RORA: variants seen among roughly 807,000 people sequenced by gnomAD.
RORA encodes RAR related orphan receptor A, also known as nuclear receptor ROR-alpha.
In RORA, 7 loss-of-function variants were observed where a neutral mutation model predicts 69.5. The observed-to-expected ratio is 0.10, with a 90% CI of 0.06 to 0.19. RORA has a LOEUF of 0.19. Ranked by LOEUF, RORA falls within the 10% of genes least tolerant of loss-of-function variation. RORA has a pLI of 1.00. For missense variants in RORA, 457 were observed against 663.0 expected, an observed-to-expected ratio of 0.69 and a Z score of 3.41; for synonymous variants, 261 against 240.8, an observed-to-expected ratio of 1.08 and a Z score of -0.78.
At position 61,213,997 on chromosome 15, in the gene RORA, G is replaced by C. The variant is rs1320452214; in HGVS notation, c.166+15056C>G. 1 of 152,130 alleles carries C rather than the reference G, an allele frequency of 6.6e-6. No individual in the cohort carries two copies. The highest frequency in any genetic ancestry group is 1.9e-4 in the East Asian group (1 of 5,190). The allele number at this position is 152,130 out of a possible 1,614,324, so 9.4% of individuals were successfully genotyped here. ...AAACTGCACGTCACTAGCATCCTGA[G>C]GGCATTCACCGAATGCTCATGTAAA... On this transcript the variant is annotated intron_variant, in intron 1 of 10. Coordinates refer to ENST00000335670, the MANE Select transcript of RORA (RefSeq NM_134261.3). The surrounding 1 kb of genome is among the most constrained non-coding windows in gnomAD (Gnocchi z 4.1).
intron 1 of RORA, among the ~76,000 whole-genome samples, chr15:61,177,481 G>A (rs1388226240): frequency 6.6e-6 from 1 of 152,166 alleles, no homozygotes; most frequent in Non-Finnish European, 1.5e-5. Context: ...AGATGTGGTT[G>A]CACACATGTT....
intron 9 of RORA, among the ~76,000 whole-genome samples, 178 bp downstream of exon 9, chr15:60,500,781 G>A (rs1427609165): frequency 6.6e-6 from 1 of 152,170 alleles, no homozygotes; most frequent in African/African-American, 2.4e-5. Flanking sequence ...ATATGTTTGT[G>A]TTGGATGGGT....
chr15:60,546,536 C>A (rs2067075247), intron 2 of RORA: 1 of 152,106 alleles, frequency 6.6e-6, no homozygotes, highest in Admixed American at 6.5e-5. Context: ...GTATAGTCTT[C>A]ACTAACAGCT....
intron 1 of RORA, among the ~76,000 whole-genome samples, chr15:60,810,010 T>G (rs2072719771): frequency 6.6e-6 from 1 of 152,132 alleles, no homozygotes; most frequent in Non-Finnish European, 1.5e-5. Flanking sequence ...GCTGTTGTGT[T>G]GTGATTTCTC....
chr15:60,898,047 G>A (rs2140464291), intron 1 of RORA, among the ~76,000 whole-genome samples: 1 of 152,344 alleles, frequency 6.6e-6, no homozygotes. Context: ...ATTAGGAAAG[G>A]AAGCTGTAAT....
chr15:60,523,729 T>C (rs905449704), intron 3 of RORA, among the ~76,000 whole-genome samples: 1 of 152,202 alleles, frequency 6.6e-6, no homozygotes, highest in Non-Finnish European at 1.5e-5. Flanking sequence ...TGGAGTGCAA[T>C]GGAGTGACCA....
At chr15:60,956,392 A>G (rs1893268992) in intron 1 of RORA, among the ~76,000 whole-genome samples, 1 of 152,254 alleles carries the variant, frequency 6.6e-6, no homozygotes, top group Non-Finnish European at 1.5e-5. Flanking sequence ...ACGCCCAGGT[A>G]AGACAGGTAA....
At chr15:60,961,233 G>A (rs1022172596) in intron 1 of RORA, among the ~76,000 whole-genome samples, 2 of 152,058 alleles carry the variant, frequency 1.3e-5, no homozygotes, top group Admixed American at 1.3e-4. Flanking sequence ...TGGACTGTTA[G>A]TCACCTGAAG....
intron 1 of RORA, 95 bp downstream of exon 1, chr15:61,228,958 C>T (rs1299244809): frequency 2.1e-6 from 1 of 479,622 alleles, no homozygotes; most frequent in Non-Finnish European, 2.7e-6. Context: ...CGCGCGGCCG[C>T]CGGACCCCGC....
chr15:60,641,418 CT>C (rs796600832), intron 2 of RORA, among the ~76,000 whole-genome samples: 2 of 151,550 alleles, frequency 1.3e-5, no homozygotes, highest in African/African-American at 4.8e-5. Context: ...CTTTCCATTT[CT>C]TTTTTTTTAA....
chr15:61,184,477 G>A (rs953369934), intron 1 of RORA, among the ~76,000 whole-genome samples: 2 of 152,008 alleles, frequency 1.3e-5, no homozygotes, highest in Non-Finnish European at 2.9e-5. Context: ...ATCACTTCCT[G>A]CTCTGTGGTA....
rs931341745 is a variant in RORA at position 61,219,088 on chromosome 15, T to C, written c.166+9965A>G. Among the ~76,000 whole-genome samples, 4 of 152,308 alleles carry C rather than the reference T, an allele frequency of 2.6e-5. No individual in the cohort carries two copies. The Middle Eastern group carries it at 0.01, about 389-fold the overall frequency. On this transcript the variant is annotated intron_variant, in intron 1 of 10. Transcript: ENST00000335670. ...TGAGACTTGGACACTATTTTCACTATGTTTTAGAATGGCTTTACTGACATA... is the reference window on the plus strand; with the variant it reads ...TGAGACTTGGACACTATTTTCACTACGTTTTAGAATGGCTTTACTGACATA...
In RORA at chr15:61,229,096, C is replaced by T. The variant is rs1194690266; in HGVS notation, c.123G>A (p.Pro41=). The T allele has an allele frequency of 5.1e-5, 79 of 1,539,500 alleles. No individual in the cohort carries two copies. The highest frequency in any genetic ancestry group is 6.6e-5 in the Non-Finnish European group (75 of 1,143,318). The change falls in exon 1 of 11, where the codon CCG becomes CCA. Residue 41 remains proline (P), a synonymous_variant. Coordinates refer to ENST00000335670, the MANE Select transcript of RORA (RefSeq NM_134261.3). The stretch of plus-strand genomic sequence containing the variant: ...AGCTCTGTCTGCGCACCGGGGCAGG[C>T]GGCTCGCTCTTGCGGGCGGATTCCT... The part of the protein sequence containing the change: ...LNQESARKSE[P]PAPVRRQSYS...
chr15:60,818,257 C>T lies in RORA; in HGVS notation c.167-139571G>A, dbSNP rs530393692. On this transcript the variant is annotated intron_variant, in intron 1 of 10. Transcript: ENST00000335670. ...AAAACTGCAATTACTTTTGTGCCAA[C>T]CTAATAATAATATGTTAAAATGCAA... Among the ~76,000 whole-genome samples, 522 of 151,922 alleles carry T rather than the reference C, an allele frequency of 3.4e-3. 2 individuals are homozygous for T. The highest frequency in any genetic ancestry group is 6.8e-3 in the Middle Eastern group (2 of 294).
intron 1 of RORA, among the ~76,000 whole-genome samples, chr15:61,166,607 A>C (rs1169274029): frequency 6.6e-6 from 1 of 152,112 alleles, no homozygotes; most frequent in Non-Finnish European, 1.5e-5. Flanking sequence ...TATTATAGGA[A>C]GGGGAAATAT....
chr15:61,056,743 C>G (rs944865605), intron 1 of RORA, among the ~76,000 whole-genome samples: 1 of 152,166 alleles, frequency 6.6e-6, no homozygotes, highest in African/African-American at 2.4e-5. Flanking sequence ...AAAACCATTC[C>G]TAGAATAGAC....
At chr15:60,877,634 C>T (rs1489951968) in intron 1 of RORA, among the ~76,000 whole-genome samples, 5 of 152,108 alleles carry the variant, frequency 3.3e-5, no homozygotes, top group Non-Finnish European at 5.9e-5. Context: ...TTAATGAAAA[C>T]ACCAAAGTTT....
intron 1 of RORA, among the ~76,000 whole-genome samples, chr15:60,856,037 T>C (rs2073376588): frequency 6.6e-6 from 1 of 152,182 alleles, no homozygotes; most frequent in African/African-American, 2.4e-5. Context: ...GGCCTGGGAA[T>C]CTAAACTTTC....
chr15:61,182,337 T>C (rs1051726525), intron 1 of RORA, among the ~76,000 whole-genome samples: 1 of 152,232 alleles, frequency 6.6e-6, no homozygotes, highest in African/African-American at 2.4e-5. Context: ...TCCACTTCAG[T>C]GTTGTTGCCA....
Sources: allele counts gnomAD v4.1 joint callset (sites outside exome capture counted in the v4.1 genomes callset), GRCh38; gene constraint gnomAD v4.1.1; non-coding constraint Gnocchi (gnomAD v3.1); transcripts MANE v1.5; gene names NCBI Gene and HGNC (gene_info 2026-07-23, HGNC 2026-07-21).